WDR70: variants seen among roughly 807,000 people sequenced by gnomAD.
WDR70 encodes WD repeat domain 70, also known as WD repeat-containing protein 70.
In WDR70, 53 loss-of-function variants were observed where a neutral mutation model predicts 88.6. The ratio of observed to expected loss-of-function variants is 0.60; its 90% CI spans 0.48 to 0.75. The LOEUF is 0.75. Ranked by LOEUF, WDR70 falls within the 30% of genes least tolerant of loss-of-function variation. The pLI, the probability that WDR70 is intolerant of heterozygous loss-of-function variation, is 0.00. For synonymous variants in WDR70, 280 were observed against 270.0 expected (o/e 1.04, Z -0.36); for missense variants, 610 against 823.2 (o/e 0.74, Z 3.17).
chr5:37,478,560 G>A (rs1045828065), intron 7 of WDR70, among the ~76,000 whole-genome samples: 1 of 152,218 alleles, frequency 6.6e-6, no homozygotes, highest in Non-Finnish European at 1.5e-5. Context: ...TGTGAGAGAG[G>A]GTACAAGGGA....
intron 11 of WDR70, among the ~76,000 whole-genome samples, chr5:37,699,969 CAAAAACA>C (rs1747104421): frequency 1.5e-5 from 2 of 133,694 alleles, no homozygotes; most frequent in South Asian, 2.7e-4. Flanking sequence ...AAAACAAAAA[CAAAAACA>C]AAAAAAAAAA....
At chr5:37,514,354 ATATATG>A (rs1274859410) in intron 8 of WDR70, among the ~76,000 whole-genome samples, 5 of 56,928 alleles carry the variant, frequency 8.8e-5, no homozygotes, top group South Asian at 1.1e-3. Context: ...ATATATATAT[ATATATG>A]TATGTATGTA....
At chr5:37,698,229 A>G (rs1267873491) in intron 11 of WDR70, among the ~76,000 whole-genome samples, 1 of 152,144 alleles carries the variant, frequency 6.6e-6, no homozygotes, top group Admixed American at 6.5e-5. Flanking sequence ...AAACAGTTCT[A>G]TATGATCATA....
chr5:37,622,866 A>G (rs912566301), intron 10 of WDR70, among the ~76,000 whole-genome samples: 1 of 152,210 alleles, frequency 6.6e-6, no homozygotes, highest in African/African-American at 2.4e-5. Flanking sequence ...CGTTGTGCAC[A>G]TGTACCCTAA....
rs182711258 is a variant in WDR70, at chr5:37,447,374, G to A, written c.686+4002G>A. Reference sequence around the variant, plus strand: ...ACTAGTTCAACCATTGTGGAAGTCAGTGTGGCGATTCCTCAGGGCCTAGAA... The same window carrying A: ...ACTAGTTCAACCATTGTGGAAGTCAATGTGGCGATTCCTCAGGGCCTAGAA... On this transcript the variant is annotated intron_variant, in intron 7 of 17. Transcript: ENST00000265107. Among the ~76,000 whole-genome samples the A allele has an allele frequency of 1.6e-3, 238 of 152,238 alleles. 2 individuals carry two copies. The highest frequency in any genetic ancestry group is 5.5e-3 in the African/African-American group (230 of 41,550).
intron 8 of WDR70, among the ~76,000 whole-genome samples, chr5:37,485,642 A>T: frequency 6.6e-6 from 1 of 152,228 alleles, no homozygotes; most frequent in Non-Finnish European, 1.5e-5. Context: ...TGTGAGTTCA[A>T]TGTTAATGAA....
chr5:37,642,654 C>T (rs1745134381), intron 10 of WDR70, among the ~76,000 whole-genome samples: 1 of 152,172 alleles, frequency 6.6e-6, no homozygotes, highest in Admixed American at 6.5e-5. Context: ...TCCTCACCAG[C>T]ATTTATTTCC....
At chr5:37,389,360 C>T (rs1031553781) in intron 3 of WDR70, among the ~76,000 whole-genome samples, 1 of 150,938 alleles carries the variant, frequency 6.6e-6, no homozygotes, top group African/African-American at 2.5e-5. Context: ...TCTCAAAGCG[C>T]AAGGATTACA....
chr5:37,703,885 A>G lies in WDR70; in HGVS notation c.1416+798A>G, dbSNP rs114414687. On this transcript the variant is annotated intron_variant, in intron 13 of 17. Coordinates refer to ENST00000265107, the MANE Select transcript of WDR70 (RefSeq NM_018034.4). ...GCTCATTGTCAAATCTTTTAGTAATATCCTATATCTTAAACAGTGCTCTTA... is the reference window on the plus strand; with the variant it reads ...GCTCATTGTCAAATCTTTTAGTAATGTCCTATATCTTAAACAGTGCTCTTA... 3.1e-3 allele frequency among the ~76,000 whole-genome samples: 479 copies of G among 152,338 alleles called. 4 individuals are homozygous for G. The highest frequency in any genetic ancestry group is 0.011 in the African/African-American group (458 of 41,586).
intron 10 of WDR70, among the ~76,000 whole-genome samples, chr5:37,692,028 C>A (rs1275724899): frequency 6.6e-6 from 1 of 152,254 alleles, no homozygotes; most frequent in Non-Finnish European, 1.5e-5. Flanking sequence ...GGGGATATCA[C>A]CACCGATCCC....
chr5:37,602,625 CAAAAAAAAAGA>C (rs1743919620), intron 9 of WDR70, among the ~76,000 whole-genome samples: 1 of 126,306 alleles, frequency 7.9e-6, no homozygotes, highest in South Asian at 2.5e-4. Context: ...GACTCTGTCT[CAAAAAAAAAGA>C]AAAAAAAAAG....
chr5:37,643,929 A>C (rs976250082), intron 10 of WDR70, among the ~76,000 whole-genome samples: 2 of 152,146 alleles, frequency 1.3e-5, no homozygotes, highest in Non-Finnish European at 2.9e-5. Flanking sequence ...GTCATCTGCA[A>C]ACAAGGATAA....
chr5:37,619,801 C>T (rs1360556896), intron 10 of WDR70, among the ~76,000 whole-genome samples: 1 of 150,580 alleles, frequency 6.6e-6, no homozygotes, highest in African/African-American at 2.4e-5. Flanking sequence ...AGTAATTTAT[C>T]AAATTTCTTA....
intron 13 of WDR70, among the ~76,000 whole-genome samples, chr5:37,719,359 C>CCA (rs141634543): frequency 0.012 from 1,762 of 147,722 alleles, 26 homozygotes; most frequent in African/African-American, 0.04. Context: ...ACCCCCCCCC[C>CCA]AAAAAATACC....
intron 10 of WDR70, among the ~76,000 whole-genome samples, chr5:37,625,438 A>T (rs971279149): frequency 6.6e-6 from 1 of 152,086 alleles, no homozygotes; most frequent in Non-Finnish European, 1.5e-5. Context: ...AGTGGTGTTC[A>T]TGAGTATTTT....
At chr5:37,704,997 A>T (rs1163320947) in intron 13 of WDR70, among the ~76,000 whole-genome samples, 1 of 151,132 alleles carries the variant, frequency 6.6e-6, no homozygotes, top group Admixed American at 6.6e-5. Context: ...TGTGTAGATG[A>T]AGCCAGAAAT....
intron 9 of WDR70, among the ~76,000 whole-genome samples, chr5:37,540,243 G>T (rs1024865974): frequency 6.6e-5 from 10 of 152,174 alleles, no homozygotes; most frequent in African/African-American, 2.4e-4. Context: ...CTGAATGATT[G>T]TAAGAATGCT....
intron 3 of WDR70, among the ~76,000 whole-genome samples, chr5:37,384,589 G>A (rs1748544684): frequency 6.8e-6 from 1 of 147,790 alleles, no homozygotes; most frequent in African/African-American, 2.5e-5. Context: ...GAACCCTGGA[G>A]GCAGAGCTTG....
rs548196638 is a variant in WDR70 at position 37,414,128 on chromosome 5, G to A, written c.492+17558G>A. On this transcript the variant is annotated intron_variant, in intron 5 of 17. Transcript: ENST00000265107. ...CATTGCACTCCAGCCTGGGCAACAGGAGCAAAACTCTGTCTCAAAAAAAAA... is the reference window on the plus strand; with the variant it reads ...CATTGCACTCCAGCCTGGGCAACAGAAGCAAAACTCTGTCTCAAAAAAAAA... Among the ~76,000 whole-genome samples, 313 of 137,714 alleles carry A rather than the reference G, an allele frequency of 2.3e-3. 2 individuals are homozygous for A. Among genetic ancestry groups the A allele is most frequent in the African/African-American group, 8.2e-3 (303 of 36,988 alleles). 90.3% of individuals were successfully genotyped at this position (137,714 alleles called of 152,430 possible).
Sources: allele counts gnomAD v4.1 joint callset (sites outside exome capture counted in the v4.1 genomes callset), GRCh38; gene constraint gnomAD v4.1.1; transcripts MANE v1.5; gene names NCBI Gene and HGNC (gene_info 2026-07-23, HGNC 2026-07-21).